STARD6: variants seen among roughly 807,000 people sequenced by gnomAD.
The protein encoded by STARD6 is stAR-related lipid transfer protein 6.
Under a neutral mutation model 22.3 loss-of-function variants are expected in STARD6, and 21 were observed. That is an observed-to-expected ratio of 0.94 (90% CI 0.67 to 1.35). The LOEUF (loss-of-function observed/expected upper bound fraction) is 1.35, where lower values mean the gene tolerates loss of function less well. Ranked by LOEUF, STARD6 falls within the 40% of genes most tolerant of loss-of-function variation. STARD6 has a pLI of 0.00. For synonymous variants in STARD6, 80 were observed against 88.1 expected (o/e 0.91, Z 0.52); for missense variants, 269 against 266.9 (o/e 1.01, Z -0.05).
intron 4 of STARD6, among the ~76,000 whole-genome samples, chr18:54,341,349 G>A (rs1263360841): frequency 6.6e-6 from 1 of 152,098 alleles, no homozygotes; most frequent in African/African-American, 2.4e-5. Flanking sequence ...GTGAGCCACC[G>A]TGCCCGGCCC....
chr18:54,324,876 C>T lies in STARD6; in HGVS notation c.480-1G>A. On this transcript the variant is annotated splice_acceptor_variant, in intron 7 of 7. Coordinates refer to ENST00000307844, the MANE Select transcript of STARD6 (RefSeq NM_139171.2). LOFTEE classifies it high-confidence loss of function. ...CACTAGTTTGGAATATGCTGGGTTT[C>T]TGTAAGCAAAAGAAGAGTTAAAAAA... The T allele has an allele frequency of 6.6e-7, 1 of 1,516,116 alleles. No individual in the cohort carries two copies. Among genetic ancestry groups the T allele is most frequent in the Non-Finnish European group, 8.8e-7 (1 of 1,138,206 alleles). 93.9% of individuals were successfully genotyped at this position (1,516,116 alleles called of 1,614,324 possible).
In STARD6 at chr18:54,324,590, A is replaced by G. The variant is rs2088806854; in HGVS notation, c.*102T>C. Reference sequence around the variant, plus strand: ...CCATGTGTACAAGAATACTGTCTAGAATAGTTTAACAGTATTATTTATGTG... The same window carrying G: ...CCATGTGTACAAGAATACTGTCTAGGATAGTTTAACAGTATTATTTATGTG... On this transcript the variant is annotated 3_prime_UTR_variant, in exon 8 of 8. Coordinates refer to ENST00000307844, the MANE Select transcript of STARD6 (RefSeq NM_139171.2). 2 of 1,120,652 alleles carry G rather than the reference A, an allele frequency of 1.8e-6. No homozygotes were observed. Among genetic ancestry groups the G allele is most frequent in the African/African-American group, 1.6e-5 (1 of 63,100 alleles). The allele number at this position is 1,120,652 out of a possible 1,614,324, so 69.4% of individuals were successfully genotyped here.
intron 7 of STARD6, among the ~76,000 whole-genome samples, chr18:54,329,036 T>C (rs894996182): frequency 2.6e-5 from 4 of 152,126 alleles, no homozygotes; most frequent in Non-Finnish European, 4.4e-5. Context: ...AGTTCCTTAA[T>C]AATTTACAGA....
intron 7 of STARD6, among the ~76,000 whole-genome samples, chr18:54,325,971 C>T (rs1485607518): frequency 1.3e-5 from 2 of 152,222 alleles, no homozygotes; most frequent in Non-Finnish European, 2.9e-5. Flanking sequence ...CATTGATCTT[C>T]ACACTGGGGT....
At chr18:54,329,875 G>A (rs1191942905) in intron 6 of STARD6, among the ~76,000 whole-genome samples, 5 of 146,134 alleles carry the variant, frequency 3.4e-5, no homozygotes, top group Admixed American at 2.0e-4. Flanking sequence ...TGTTAATCAT[G>A]TTTTTTTTTT....
At chr18:54,325,838 C>T (rs918399246) in intron 7 of STARD6, among the ~76,000 whole-genome samples, 2 of 152,130 alleles carry the variant, frequency 1.3e-5, no homozygotes, top group African/African-American at 4.8e-5. Context: ...GTGTGACCCA[C>T]CTCACCCAGC....
At chr18:54,331,462 A>G (rs1460617888) in intron 6 of STARD6, among the ~76,000 whole-genome samples, 2 of 152,182 alleles carry the variant, frequency 1.3e-5, no homozygotes, top group African/African-American at 2.4e-5. Context: ...TAAAAAATGT[A>G]TACCCAAAGT....
At chr18:54,328,194 T>C (rs752365450) in intron 7 of STARD6, among the ~76,000 whole-genome samples, 6 of 152,208 alleles carry the variant, frequency 3.9e-5, no homozygotes, top group Non-Finnish European at 5.9e-5. Flanking sequence ...GGGGAACTAC[T>C]GTCCTTACTA....
At chr18:54,339,127 GA>G (rs202065894) in intron 4 of STARD6, among the ~76,000 whole-genome samples, 50 of 111,264 alleles carry the variant, frequency 4.5e-4, no homozygotes, top group South Asian at 9.1e-4. Context: ...ACGAAAGCAG[GA>G]AAAAAAAAAG....
chr18:54,340,497 CA>C (rs1460782461), intron 4 of STARD6, among the ~76,000 whole-genome samples: 4 of 151,956 alleles, frequency 2.6e-5, no homozygotes, highest in African/African-American at 9.7e-5. Flanking sequence ...AACAGAGGAA[CA>C]AAATAGCCAT....
At position 54,331,878 on chromosome 18, in the gene STARD6, T is replaced by C. The variant is rs1418042437; in HGVS notation, c.268-19A>G. 2 of 1,512,092 alleles carry C rather than the reference T, an allele frequency of 1.3e-6. No individual in the cohort carries two copies. The highest frequency in any genetic ancestry group is 2.3e-5 in the South Asian group (2 of 85,796). The allele number at this position is 1,512,092 out of a possible 1,614,324, so 93.7% of individuals were successfully genotyped here. A position where few individuals can be genotyped will look rare whatever the true frequency, so the allele number is the denominator to read the frequency against. On this transcript the variant is annotated intron_variant, in intron 5 of 7. Coordinates refer to ENST00000307844, the MANE Select transcript of STARD6 (RefSeq NM_139171.2). ...ATGTGTCCTGCAACAAATCAAACCG[T>C]AAAGATAACAAACGTTACTTAATAT... is the stretch of plus-strand genomic sequence containing the variant.
Position 54,354,122 on chromosome 18 carries a change from TC to T in STARD6, c.91-20del. ...TCTTTTTCTCAAAGGGGAATAAAAA[TC>T]CACAAATAATTAGCTGTCAAATGCA... On this transcript the variant is annotated intron_variant, in intron 3 of 7. Coordinates refer to ENST00000307844, the MANE Select transcript of STARD6 (RefSeq NM_139171.2). 1 of 1,500,030 alleles carries T rather than the reference TC, an allele frequency of 6.7e-7. No individual in the cohort carries two copies. Among genetic ancestry groups the T allele is most frequent in the Non-Finnish European group, 9.1e-7 (1 of 1,104,282 alleles). The allele number at this position is 1,500,030 out of a possible 1,614,324, so 92.9% of individuals were successfully genotyped here. A position where few individuals can be genotyped will look rare whatever the true frequency, so the allele number is the denominator to read the frequency against.
intron 7 of STARD6, among the ~76,000 whole-genome samples, chr18:54,326,831 A>T (rs933194329): frequency 3.3e-5 from 5 of 152,208 alleles, no homozygotes; most frequent in African/African-American, 4.8e-5. Context: ...CAACACATTT[A>T]TGTTAATAAA....
At chr18:54,354,266 G>A (rs1312899114) in intron 3 of STARD6, 163 bp from the exon 4 acceptor site, 2 of 629,592 alleles carry the variant, frequency 3.2e-6, no homozygotes, top group South Asian at 2.3e-5. Context: ...TGCCCAGTCT[G>A]TAGTGTACTG....
chr18:54,354,209 G>GA (rs78759091), intron 3 of STARD6, 106 bp from the exon 4 acceptor site: 197 of 711,194 alleles, frequency 2.8e-4, no homozygotes, highest in African/African-American at 7.1e-4. Flanking sequence ...GTTTGTAAAA[G>GA]AAAAAAATAT....
chr18:54,356,866 C>T (rs1202934406), intron 1 of STARD6, among the ~76,000 whole-genome samples: 1 of 152,226 alleles, frequency 6.6e-6, no homozygotes, highest in African/African-American at 2.4e-5. Flanking sequence ...GGACATACCA[C>T]TAGCAGGGTA....
At chr18:54,331,930 A>G in intron 5 of STARD6, 71 bp from the exon 6 acceptor site, 2 of 1,088,830 alleles carry the variant, frequency 1.8e-6, no homozygotes, top group Non-Finnish European at 2.7e-6. Flanking sequence ...TTCCCCCCCA[A>G]ATTTTATTGC....
chr18:54,347,497 A>T (rs1162666140), intron 4 of STARD6, among the ~76,000 whole-genome samples: 2 of 152,096 alleles, frequency 1.3e-5, no homozygotes, highest in African/African-American at 4.8e-5. Flanking sequence ...TAAACCCCAA[A>T]TTCTATTTTA....
intron 4 of STARD6, among the ~76,000 whole-genome samples, chr18:54,345,394 A>G (rs956992389): frequency 6.6e-6 from 1 of 152,226 alleles, no homozygotes; most frequent in African/African-American, 2.4e-5. Flanking sequence ...AAACTTATAA[A>G]ACATTCTGAA....
Sources: allele counts gnomAD v4.1 joint callset (sites outside exome capture counted in the v4.1 genomes callset), GRCh38; gene constraint gnomAD v4.1.1; transcripts MANE v1.5; gene names NCBI Gene and HGNC (gene_info 2026-07-23, HGNC 2026-07-21).